The following FIG4 variants were observed in gnomAD, a reference collection of about 807,000 sequenced individuals.
The protein encoded by FIG4 is FIG4 phosphoinositide 5-phosphatase, also known as polyphosphoinositide phosphatase.
FIG4 carries 112 observed loss-of-function variants against 118.6 expected under a neutral mutation model. The observed-to-expected ratio is 0.94, with a 90% CI of 0.81 to 1.11. FIG4 has a LOEUF of 1.11. Among genes scored for constraint, FIG4 ranks in the 50% least tolerant of loss-of-function variants. The pLI, the probability that FIG4 is intolerant of heterozygous loss-of-function variation, is 0.00. For synonymous variants in FIG4, 369 were observed against 381.2 expected (o/e 0.97, Z 0.37); for missense variants, 969 against 1,111.7 (o/e 0.87, Z 1.83).
intron 3 of FIG4, among the ~76,000 whole-genome samples, chr6:109,721,467 G>T (rs944622112): frequency 6.6e-6 from 1 of 152,124 alleles, no homozygotes; most frequent in East Asian, 1.9e-4. Flanking sequence ...CACCAGAATT[G>T]CATACTACTC....
At chr6:109,819,168 TC>T (rs1778937818) in intron 22 of FIG4, among the ~76,000 whole-genome samples, 1 of 152,208 alleles carries the variant, frequency 6.6e-6, no homozygotes, top group African/African-American at 2.4e-5. Flanking sequence ...CTGCCTCTGC[TC>T]CTGATATACA....
chr6:109,721,452 C>T (rs1775606529), intron 3 of FIG4, among the ~76,000 whole-genome samples: 1 of 152,258 alleles, frequency 6.6e-6, no homozygotes, highest in African/African-American at 2.4e-5. Flanking sequence ...AGGGTCCTCT[C>T]CAGCCACCAG....
chr6:109,753,856 T>G (rs1330698696), intron 10 of FIG4, among the ~76,000 whole-genome samples: 1 of 152,216 alleles, frequency 6.6e-6, no homozygotes, highest in Admixed American at 6.5e-5. Flanking sequence ...CAATAGGGTT[T>G]TCTAGATATA....
intron 22 of FIG4, among the ~76,000 whole-genome samples, chr6:109,823,183 G>C (rs181858258): frequency 3.9e-5 from 6 of 152,188 alleles, no homozygotes; most frequent in South Asian, 4.2e-4. Context: ...TCATTGACAT[G>C]GCTCCCTGAC....
chr6:109,738,565 C>T (rs1776231871), intron 7 of FIG4, 112 bp downstream of exon 7: 2 of 995,366 alleles, frequency 2.0e-6, no homozygotes, highest in African/African-American at 1.6e-5. Context: ...TGCACCCCAA[C>T]AGGAAAACCT....
At chr6:109,775,353 G>T (rs1175155966) in intron 15 of FIG4, among the ~76,000 whole-genome samples, 3 of 152,108 alleles carry the variant, frequency 2.0e-5, no homozygotes, top group East Asian at 1.9e-4. Flanking sequence ...TTCCAAAAAG[G>T]CTTCTTTATG....
intron 22 of FIG4, among the ~76,000 whole-genome samples, chr6:109,824,723 C>A (rs1779108753): frequency 6.6e-6 from 1 of 152,192 alleles, no homozygotes; most frequent in African/African-American, 2.4e-5. Flanking sequence ...ACCAGTGAGT[C>A]CCTAGCGTGT....
intron 22 of FIG4, among the ~76,000 whole-genome samples, chr6:109,802,545 G>T (rs1165107174): frequency 2.6e-5 from 4 of 152,208 alleles, no homozygotes; most frequent in Non-Finnish European, 4.4e-5. Flanking sequence ...TTTAGCATGT[G>T]TGTACCAGTT....
chr6:109,809,199 T>C (rs1375291139), intron 22 of FIG4, among the ~76,000 whole-genome samples: 1 of 152,230 alleles, frequency 6.6e-6, no homozygotes, highest in East Asian at 1.9e-4. Context: ...TGAGGCCATA[T>C]TTTCTTCATA....
intron 19 of FIG4, among the ~76,000 whole-genome samples, chr6:109,790,337 T>G (rs578127773): frequency 2.0e-5 from 3 of 152,222 alleles, no homozygotes; most frequent in Non-Finnish European, 4.4e-5. Flanking sequence ...ATGGGACATA[T>G]ATTGATATTT....
Position 109,743,664 on chromosome 6 carries a change from T to A in FIG4, c.1040-11T>A. ...TCATTCAGGTGCTTTTTCATCTTTT[T>A]TCCTTCTCAGTGGATCAGGCAGATC... On this transcript the variant is annotated splice_polypyrimidine_tract_variant and intron_variant, in intron 9 of 22. Coordinates refer to ENST00000230124, the MANE Select transcript of FIG4 (RefSeq NM_014845.6). The A allele has an allele frequency of 1.9e-6, 3 of 1,604,646 alleles. No individual in the cohort carries two copies. Among genetic ancestry groups the A allele is most frequent in the Non-Finnish European group, 2.6e-6 (3 of 1,172,468 alleles).
At chr6:109,820,972 C>T (rs538169738) in intron 22 of FIG4, among the ~76,000 whole-genome samples, 10 of 152,158 alleles carry the variant, frequency 6.6e-5, no homozygotes, top group Non-Finnish European at 1.3e-4. Context: ...CCCAAAATAG[C>T]TCACAGGTAG....
chr6:109,754,458 A>G (rs920743070), intron 10 of FIG4, among the ~76,000 whole-genome samples: 4 of 152,226 alleles, frequency 2.6e-5, no homozygotes, highest in Admixed American at 6.5e-5. Context: ...GCCTCATAAA[A>G]TGAGTTAGGG....
intron 15 of FIG4, among the ~76,000 whole-genome samples, chr6:109,770,884 C>T (rs946185186): frequency 1.3e-5 from 2 of 152,238 alleles, no homozygotes; most frequent in Non-Finnish European, 2.9e-5. Flanking sequence ...AAGCTTATCA[C>T]GTGTGGAAGA....
intron 15 of FIG4, among the ~76,000 whole-genome samples, chr6:109,771,192 C>G (rs993268249): frequency 6.6e-6 from 1 of 152,092 alleles, no homozygotes; most frequent in African/African-American, 2.4e-5. Flanking sequence ...TTGTTAAAGC[C>G]CAACTCTTCA....
rs200730266 is a variant in FIG4 at position 109,762,212 on chromosome 6, G to T, written c.1388+5G>T. ...CATTTTGCGGCCAGATGAAAAGTAT[G>T]TATGGTATTTTAAAACTTATAATAA... On this transcript the variant is annotated splice_donor_5th_base_variant and intron_variant, in intron 12 of 22. Coordinates refer to ENST00000230124, the MANE Select transcript of FIG4 (RefSeq NM_014845.6). 56 of 1,516,520 alleles carry T rather than the reference G, an allele frequency of 3.7e-5. No homozygotes were observed. Among genetic ancestry groups the T allele is most frequent in the Non-Finnish European group, 4.6e-5 (50 of 1,091,142 alleles). 93.9% of individuals were successfully genotyped at this position (1,516,520 alleles called of 1,614,324 possible).
chr6:109,704,532 A>G (rs912312646), intron 1 of FIG4, among the ~76,000 whole-genome samples: 3 of 151,986 alleles, frequency 2.0e-5, no homozygotes, highest in African/African-American at 4.8e-5. Context: ...GCCACGTGTC[A>G]TGGTGCACGT....
chr6:109,741,401 G>A (rs1776318133), intron 7 of FIG4, 43 bp from the exon 8 acceptor site: 1 of 1,187,032 alleles, frequency 8.4e-7, no homozygotes, highest in South Asian at 1.2e-5. Flanking sequence ...TTGGTCTTAT[G>A]TGACAGTCAT....
At chr6:109,788,063 C>T (rs1778034262) in intron 18 of FIG4, among the ~76,000 whole-genome samples, 1 of 152,114 alleles carries the variant, frequency 6.6e-6, no homozygotes, top group Non-Finnish European at 1.5e-5. Context: ...TGTTAGATGA[C>T]TTTGCACAAC....
Sources: allele counts gnomAD v4.1 joint callset (sites outside exome capture counted in the v4.1 genomes callset), GRCh38; gene constraint gnomAD v4.1.1; transcripts MANE v1.5; gene names NCBI Gene and HGNC (gene_info 2026-07-23, HGNC 2026-07-21).